PRKCB: variants seen among roughly 807,000 people sequenced by gnomAD.
PRKCB encodes protein kinase C beta type.
PRKCB carries 13 observed loss-of-function variants against 81.5 expected under a neutral mutation model. The ratio of observed to expected loss-of-function variants is 0.16; its 90% confidence interval spans 0.10 to 0.25. PRKCB has a LOEUF of 0.25. Among genes scored for constraint, PRKCB ranks in the 10% least tolerant of loss-of-function variants. The pLI is 1.00. For missense variants in PRKCB, 509 were observed against 875.7 expected (o/e 0.58, Z 5.29); for synonymous variants, 335 against 321.4 (o/e 1.04, Z -0.45).
rs1965529841 is a variant in PRKCB, at chr16:24,029,880, A to G, written c.289-2256A>G. Among the ~76,000 whole-genome samples the G allele has an allele frequency of 2.0e-5, 3 of 152,118 alleles. No homozygotes were observed. The South Asian group carries it at 6.2e-4, about 32-fold the overall frequency. On this transcript the variant is annotated intron_variant, in intron 3 of 16. Coordinates refer to ENST00000643927, the MANE Select transcript of PRKCB (RefSeq NM_002738.7). The stretch of plus-strand genomic sequence containing the variant: ...ATTGGAACCTAAGGCCCATGTTATT[A>G]ACTTCTGCCATGTACTTTTTTTTCC...
chr16:23,844,472 C>T (rs1293987055), intron 2 of PRKCB, among the ~76,000 whole-genome samples: 1 of 152,154 alleles, frequency 6.6e-6, no homozygotes, highest in East Asian at 1.9e-4. Context: ...TCTATTTGTC[C>T]ATCCATGCAT....
chr16:23,934,996 G>A (rs1291433096), intron 2 of PRKCB, among the ~76,000 whole-genome samples: 1 of 152,212 alleles, frequency 6.6e-6, no homozygotes, highest in Non-Finnish European at 1.5e-5. Context: ...TGATGACTGA[G>A]TGAGAGGAGG....
At chr16:23,947,778 G>T (rs1007950252) in intron 2 of PRKCB, among the ~76,000 whole-genome samples, 1 of 151,894 alleles carries the variant, frequency 6.6e-6, no homozygotes, top group African/African-American at 2.4e-5. Flanking sequence ...GGGCCTAAAC[G>T]ACATCTCCAG....
intron 4 of PRKCB, 67 bp from the exon 5 acceptor site, chr16:24,035,352 G>T: frequency 1.3e-6 from 2 of 1,569,198 alleles, no homozygotes; most frequent in Admixed American, 3.5e-5. Flanking sequence ...GGTCTTGGGT[G>T]GGGCAGATGT....
chr16:23,920,684 G>A (rs1963811363), intron 2 of PRKCB, among the ~76,000 whole-genome samples: 1 of 152,212 alleles, frequency 6.6e-6, no homozygotes, highest in Admixed American at 6.5e-5. Flanking sequence ...AGAAGAGTGG[G>A]TGAGACAGGC....
At chr16:24,179,980 T>C (rs1021120806) in intron 12 of PRKCB, among the ~76,000 whole-genome samples, 1 of 152,132 alleles carries the variant, frequency 6.6e-6, no homozygotes, top group Non-Finnish European at 1.5e-5. Flanking sequence ...AGTCTCGCTC[T>C]GTCACCCAGG....
At chr16:23,913,229 C>A (rs759216067) in intron 2 of PRKCB, among the ~76,000 whole-genome samples, 2 of 151,882 alleles carry the variant, frequency 1.3e-5, no homozygotes, top group African/African-American at 2.4e-5. Flanking sequence ...TGAATATGGA[C>A]AAGGAGAAGC....
At chr16:24,161,098 ATTC>A in intron 10 of PRKCB, among the ~76,000 whole-genome samples, 1 of 152,198 alleles carries the variant, frequency 6.6e-6, no homozygotes, top group Admixed American at 6.5e-5. Flanking sequence ...AAGATAAAAG[ATTC>A]TTAATAGGCT....
At chr16:24,158,034 T>C (rs566426093) in intron 10 of PRKCB, among the ~76,000 whole-genome samples, 2 of 152,260 alleles carry the variant, frequency 1.3e-5, no homozygotes, top group East Asian at 3.9e-4. Context: ...ACAGATTGCT[T>C]TCTCAGTTGT....
chr16:23,988,573 A>C lies in PRKCB; in HGVS notation c.271A>C (p.Lys91Gln). ...CACATTCTCCTGCCCTGGCGCTGAC[A>C]AGGGTCCAGCCTCCGATGTAAGTAA... ...FVTFSCPGADKGPASDDPRSK... is the reference protein window; with the variant it reads ...FVTFSCPGADQGPASDDPRSK... The change falls in exon 3 of 17, where the codon AAG (lysine) becomes CAG (glutamine). Residue 91 changes from lysine to glutamine, a missense_variant. Transcript: ENST00000643927. 1 of 1,614,054 alleles carries C rather than the reference A, an allele frequency of 6.2e-7. No homozygotes were observed. Among genetic ancestry groups the C allele is most frequent in the African/African-American group, 1.3e-5 (1 of 75,030 alleles).
intron 2 of PRKCB, among the ~76,000 whole-genome samples, chr16:23,962,745 T>A (rs901939234): frequency 6.6e-6 from 1 of 151,782 alleles, no homozygotes; most frequent in African/African-American, 2.4e-5. Context: ...TGTTTTTTTT[T>A]TCTTTTATTT....
intron 5 of PRKCB, among the ~76,000 whole-genome samples, chr16:24,037,893 GA>G (rs1436440049): frequency 6.6e-6 from 1 of 150,656 alleles, no homozygotes; most frequent in Non-Finnish European, 1.5e-5. Flanking sequence ...AAAAGAAAAA[GA>G]AAAAAACAAT....
chr16:23,952,067 A>C (rs1380177568), intron 2 of PRKCB, among the ~76,000 whole-genome samples: 6 of 152,028 alleles, frequency 3.9e-5, no homozygotes, highest in Non-Finnish European at 8.8e-5. Context: ...TTTGTGCCTG[A>C]ATGAGTTTTT....
At chr16:24,002,803 C>T (rs1350586134) in intron 3 of PRKCB, among the ~76,000 whole-genome samples, 2 of 152,078 alleles carry the variant, frequency 1.3e-5, no homozygotes, top group Non-Finnish European at 2.9e-5. Context: ...TGCAGTCTAC[C>T]ACACTGACCC....
chr16:24,190,719 A>C (rs899121684), intron 15 of PRKCB, among the ~76,000 whole-genome samples: 1 of 152,058 alleles, frequency 6.6e-6, no homozygotes, highest in Admixed American at 6.5e-5. Flanking sequence ...GGGTTTCACC[A>C]TGTTGGCCAG....
At chr16:24,131,462 C>T (rs1207714143) in intron 9 of PRKCB, among the ~76,000 whole-genome samples, 1 of 152,252 alleles carries the variant, frequency 6.6e-6, no homozygotes, top group Non-Finnish European at 1.5e-5. Context: ...CTCCAAGATG[C>T]TGGCATCAAC....
chr16:23,956,204 C>A (rs777384682), intron 2 of PRKCB, among the ~76,000 whole-genome samples: 2 of 152,074 alleles, frequency 1.3e-5, no homozygotes, highest in Non-Finnish European at 2.9e-5. Context: ...TCACTGCAAC[C>A]TCCACCTCCA....
chr16:23,909,622 C>G (rs1351423771), intron 2 of PRKCB, among the ~76,000 whole-genome samples: 1 of 152,146 alleles, frequency 6.6e-6, no homozygotes, highest in African/African-American at 2.4e-5. Context: ...CCTCTTCCCA[C>G]CCTCCCAAGT....
At chr16:24,105,925 C>G (rs554027951) in intron 7 of PRKCB, among the ~76,000 whole-genome samples, 3 of 152,076 alleles carry the variant, frequency 2.0e-5, no homozygotes, top group African/African-American at 4.8e-5. Flanking sequence ...ATGTTTATAG[C>G]TATAATTGCC....
Sources: gnomAD v4.1 joint callset for allele counts (sites outside exome capture counted in the v4.1 genomes callset) on GRCh38, gnomAD v4.1.1 for gene constraint, MANE v1.5 for transcripts, NCBI Gene and HGNC (gene_info 2026-07-23, HGNC 2026-07-21) for gene names.